Variants in SI observed in about 807,000 individuals in gnomAD.
SI encodes the protein sucrase-isomaltase, intestinal.
Under a neutral mutation model 253.3 loss-of-function variants are expected in SI, and 235 were observed. The observed-to-expected ratio is 0.93, with a 90% CI of 0.83 to 1.03. SI has a LOEUF of 1.03. SI is among the 50% of genes least tolerant of loss of function. The pLI is 0.00. For missense variants in SI, 2,442 were observed against 2,211.1 expected, an observed-to-expected ratio of 1.10 and a Z score of -2.09; for synonymous variants, 819 against 712.0, an observed-to-expected ratio of 1.15 and a Z score of -2.39.
rs201029052 is a variant in SI, at chr3:164,982,973, C to A, written c.5247+29G>T. 6 of 1,546,232 alleles carry A rather than the reference C, an allele frequency of 3.9e-6. No individual in the cohort carries two copies. In the East Asian group the frequency reaches 9.3e-5, roughly 24 times the overall value. On this transcript the variant is annotated intron_variant, in intron 46 of 47. Coordinates refer to ENST00000264382, the MANE Select transcript of SI (RefSeq NM_001041.4). Reference sequence around the variant, plus strand: ...GCTGTGAACTTCAAATATTCCTTAACAGAATTGCATATAAATAATCTTACA... The same window carrying A: ...GCTGTGAACTTCAAATATTCCTTAAAAGAATTGCATATAAATAATCTTACA...
chr3:165,020,657 AATGGC>A (rs1317678629), intron 27 of SI, among the ~76,000 whole-genome samples: 7 of 151,608 alleles, frequency 4.6e-5, no homozygotes, highest in Non-Finnish European at 7.4e-5. Context: ...TCATCTAAGG[AATGGC>A]ATGGCAAACT....
Position 164,998,598 on chromosome 3 carries a change from TC to T in SI, c.4481del (p.Gly1494GlufsTer22). ...RSTYPTSGRW[G>X]GHWLGDNYAR... ...CATAGTTGTCTCCAAGCCAGTGTCC[TC>T]CCCATCGTCCACTAGTAGGATACGT... On this transcript the variant is annotated frameshift_variant, in exon 38 of 48. Coordinates refer to ENST00000264382, the MANE Select transcript of SI (RefSeq NM_001041.4). LOFTEE classifies it high-confidence loss of function. The T allele has an allele frequency of 6.2e-7, 1 of 1,612,082 alleles. No individual in the cohort carries two copies. The highest frequency in any genetic ancestry group is 8.5e-7 in the Non-Finnish European group (1 of 1,178,600).
At chr3:165,047,339 C>T (rs1045783403) in intron 15 of SI, among the ~76,000 whole-genome samples, 21 of 151,984 alleles carry the variant, frequency 1.4e-4, no homozygotes, top group Middle Eastern at 3.2e-3. Context: ...ATGTTACTTG[C>T]TTCTCCTTGT....
chr3:165,072,672 C>T (rs1296870915), intron 3 of SI, among the ~76,000 whole-genome samples: 1 of 152,008 alleles, frequency 6.6e-6, no homozygotes, highest in Non-Finnish European at 1.5e-5. Context: ...GTTCGTGAAA[C>T]ATGAGCTCAC....
At chr3:165,008,292 G>C (rs1718611830) in intron 35 of SI, among the ~76,000 whole-genome samples, 1 of 151,662 alleles carries the variant, frequency 6.6e-6, no homozygotes, top group African/African-American at 2.4e-5. Flanking sequence ...AATAATATGT[G>C]CCCTATCATC....
intron 36 of SI, 42 bp from the exon 37 acceptor site, chr3:165,006,996 G>T: frequency 1.5e-6 from 2 of 1,376,438 alleles, no homozygotes; most frequent in South Asian, 1.2e-5. Context: ...ATTATACAGT[G>T]CCCTACAATG....
chr3:165,054,376 T>C (rs533584697), intron 13 of SI, among the ~76,000 whole-genome samples: 2 of 152,236 alleles, frequency 1.3e-5, no homozygotes, highest in South Asian at 4.1e-4. Context: ...ACTTGTATTT[T>C]TTTTTCTTTT....
At chr3:165,024,241 A>G (rs191582302) in intron 25 of SI, among the ~76,000 whole-genome samples, 165 of 151,352 alleles carry the variant, frequency 1.1e-3, no homozygotes, top group African/African-American at 3.8e-3. Context: ...ATGTTCTTAT[A>G]CTGGTTAATT....
intron 13 of SI, among the ~76,000 whole-genome samples, chr3:165,051,698 T>C (rs1218732774): frequency 6.6e-6 from 1 of 152,016 alleles, no homozygotes; most frequent in Non-Finnish European, 1.5e-5. Flanking sequence ...AGTTGAGGAA[T>C]TGCAAGGGTA....
chr3:164,992,138 T>A, intron 43 of SI, 39 bp downstream of exon 43: 1 of 1,518,014 alleles, frequency 6.6e-7, no homozygotes, highest in South Asian at 1.1e-5. Context: ...ATTACCCGTT[T>A]CTGTTTAGTT....
intron 43 of SI, among the ~76,000 whole-genome samples, 200 bp from the exon 44 acceptor site, chr3:164,991,677 A>G (rs1275714752): frequency 6.6e-6 from 1 of 152,168 alleles, no homozygotes; most frequent in East Asian, 1.9e-4. Flanking sequence ...GATGTTGTAT[A>G]CCTTAAATAT....
At chr3:165,071,729 G>A (rs1331704056) in intron 3 of SI, among the ~76,000 whole-genome samples, 1 of 152,024 alleles carries the variant, frequency 6.6e-6, no homozygotes, top group Non-Finnish European at 1.5e-5. Flanking sequence ...AGACAGCGAA[G>A]ATCTCTTTCT....
intron 36 of SI, among the ~76,000 whole-genome samples, 161 bp from the exon 37 acceptor site, chr3:165,007,115 A>G (rs1426277274): frequency 6.6e-6 from 1 of 152,202 alleles, no homozygotes; most frequent in East Asian, 1.9e-4. Context: ...TTAATTATCA[A>G]CTTAAAATGG....
chr3:164,994,159 C>G (rs1435060194), intron 41 of SI, 98 bp downstream of exon 41: 8 of 1,098,680 alleles, frequency 7.3e-6, no homozygotes, highest in African/African-American at 1.6e-5. Context: ...GGAAAAACTG[C>G]CAATCTAAAA....
chr3:164,979,276 A>G lies in SI; in HGVS notation c.*86T>C. ...AAGCTATATTTTGTAGAGTACAAGA[A>G]CCAAGTGAAGAGGGAAAATTGTAAG... On this transcript the variant is annotated 3_prime_UTR_variant, in exon 48 of 48. Transcript: ENST00000264382. The G allele has an allele frequency of 1.2e-6, 1 of 821,484 alleles. No individual in the cohort carries two copies. Among genetic ancestry groups the G allele is most frequent in the Non-Finnish European group, 2.1e-6 (1 of 465,874 alleles). The allele number at this position is 821,484 out of a possible 1,614,324, so 50.9% of individuals were successfully genotyped here. A position where few individuals can be genotyped will look rare whatever the true frequency, so the allele number is the denominator to read the frequency against.
At chr3:165,079,016 C>T (rs1560024579), upstream of SI, among the ~76,000 whole-genome samples, 1 of 151,348 alleles carries the variant, frequency 6.6e-6, no homozygotes, top group South Asian at 2.1e-4. Flanking sequence ...AATAGAGGTG[C>T]CCAGATCAGT....
chr3:165,032,651 T>C lies in SI; in HGVS notation c.2607A>G (p.Glu869=). The change falls in exon 24 of 48, where the codon GAA becomes GAG. Residue 869 remains glutamate, a synonymous_variant. Coordinates refer to ENST00000264382, the MANE Select transcript of SI (RefSeq NM_001041.4). ...CAGTCTGAAATGCTAAGGTAGTTCC[T>C]TCCTGATATGATGAATGTGTGCACA... ...DIVCTHSSYQ[E]GTTLAFQTVK... is the part of the protein sequence containing the mutation. 6.2e-7 allele frequency: 1 copy of C among 1,607,566 alleles called. No individual in the cohort carries two copies. The highest frequency in any genetic ancestry group is 8.5e-7 in the Non-Finnish European group (1 of 1,175,380).
Position 164,987,170 on chromosome 3 carries a change from C to G in SI, c.5165G>C (p.Gly1722Ala). ...CTCTCCATCATCCCAAAACAGAGAA[C>G]CCTGTGCCATCTGATTATCATCTGC... is the stretch of plus-strand genomic sequence containing the variant. Reference protein sequence around the residue: ...VAADDNQMAQGSLFWDDGESI... With the variant: ...VAADDNQMAQASLFWDDGESI... The change falls in exon 45 of 48, where the codon GGT becomes GCT. Residue 1722 changes from glycine (G) to alanine (A), a missense_variant. By Grantham distance (60) the Gly-to-Ala change is moderately conservative. Coordinates refer to ENST00000264382, the MANE Select transcript of SI (RefSeq NM_001041.4). The G allele has an allele frequency of 6.2e-7, 1 of 1,613,664 alleles. No individual in the cohort carries two copies. Among genetic ancestry groups the G allele is most frequent in the Non-Finnish European group, 8.5e-7 (1 of 1,179,760 alleles).
chr3:165,041,068 C>G lies in SI; in HGVS notation c.2031G>C (p.Gln677His). 6.2e-7 allele frequency: 1 copy of G among 1,612,708 alleles called. No individual in the cohort carries two copies. The highest frequency in any genetic ancestry group is 2.2e-5 in the East Asian group (1 of 44,702). Residue 677 changes from glutamine to histidine, a missense_variant, in exon 18 of 48, where the codon CAG (glutamine) becomes CAC (histidine). Physicochemically the swap from Gln to His is conservative, Grantham distance 24. Coordinates refer to ENST00000264382, the MANE Select transcript of SI (RefSeq NM_001041.4). ...YEHQDPAFFG[Q>H]NSLLVKSSRQ... ...TTGATGATTTAACCAAAAGTGAATT[C>G]TGCCCAAAAAATGCAGGATCCTGAT...
Sources: allele counts gnomAD v4.1 joint callset (sites outside exome capture counted in the v4.1 genomes callset), GRCh38; gene constraint gnomAD v4.1.1; transcripts MANE v1.5; gene names NCBI Gene and HGNC (gene_info 2026-07-23, HGNC 2026-07-21).